FBLN7: variants seen among roughly 807,000 people sequenced by gnomAD.
FBLN7 encodes fibulin 7.
A neutral mutation model predicts 44.0 loss-of-function variants in FBLN7; 31 were observed. That is an observed-to-expected ratio of 0.70 (90% CI 0.53 to 0.95). The LOEUF (loss-of-function observed/expected upper bound fraction) is 0.95, where lower values mean the gene tolerates loss of function less well. Among genes scored for constraint, FBLN7 ranks in the 40% least tolerant of loss-of-function variants. FBLN7 has a pLI of 0.00. For missense variants in FBLN7, 573 were observed against 618.5 expected, an observed-to-expected ratio of 0.93 and a Z score of 0.78; for synonymous variants, 262 against 253.4, an observed-to-expected ratio of 1.03 and a Z score of -0.32.
the FBLN7 span, among the ~76,000 whole-genome samples, chr2:112,244,204 A>C: frequency 6.6e-6 from 1 of 152,164 alleles, no homozygotes; most frequent in African/African-American, 2.4e-5. Context: ...AGATATTAGA[A>C]TGAAATTGGT....
the FBLN7 span, among the ~76,000 whole-genome samples, chr2:112,218,417 T>G: frequency 6.6e-6 from 1 of 152,200 alleles, no homozygotes; most frequent in Non-Finnish European, 1.5e-5. Flanking sequence ...AGGTATAGCA[T>G]ATTTTATCAT....
chr2:112,229,915 T>A, the FBLN7 span, among the ~76,000 whole-genome samples: 1 of 141,962 alleles, frequency 7.0e-6, no homozygotes. Flanking sequence ...ATTCCCAAAA[T>A]AAGTAATTCT....
At position 112,187,682 on chromosome 2, in the gene FBLN7, A is replaced by C; in HGVS notation, c.*176A>C. On this transcript the variant is annotated 3_prime_UTR_variant, in exon 8 of 8. Coordinates refer to ENST00000331203, the MANE Select transcript of FBLN7 (RefSeq NM_153214.3). The surrounding 1 kb of genome is among the most constrained non-coding windows in gnomAD (Gnocchi z 5.1). ...CATGGAATAGCACGGAAGAGCAGCC[A>C]CAAAACTCAACTGCTGCCATCACTC... 3 of 732,804 alleles carry C rather than the reference A, an allele frequency of 4.1e-6. No individual in the cohort carries two copies. The highest frequency in any genetic ancestry group is 4.4e-6 in the Non-Finnish European group (2 of 457,844). The allele number at this position is 732,804 out of a possible 1,614,324, so 45.4% of individuals were successfully genotyped here. A position where few individuals can be genotyped will look rare whatever the true frequency, so the allele number is the denominator to read the frequency against.
At position 112,138,597 on chromosome 2, in the gene FBLN7, AC is replaced by A; in HGVS notation, c.-58del. The A allele has an allele frequency of 6.2e-7, 1 of 1,612,060 alleles. No individual in the cohort carries two copies. Among genetic ancestry groups the A allele is most frequent in the South Asian group, 1.1e-5 (1 of 91,024 alleles). ...GACGGCTGCCGCATCGCTGGGACAA[AC>A]TCGGCAGCGGAGGCAAAGTTATTTC... On this transcript the variant is annotated 5_prime_UTR_variant, in exon 1 of 8. Coordinates refer to ENST00000331203, the MANE Select transcript of FBLN7 (RefSeq NM_153214.3).
chr2:112,242,361 T>C, the FBLN7 span, among the ~76,000 whole-genome samples: 3 of 152,228 alleles, frequency 2.0e-5, no homozygotes, highest in African/African-American at 4.8e-5. Context: ...TATTGGAACA[T>C]AGGCATACTC....
chr2:112,160,034 A>C (rs1191546916), intron 2 of FBLN7, among the ~76,000 whole-genome samples, 199 bp downstream of exon 2: 2 of 151,676 alleles, frequency 1.3e-5, no homozygotes, highest in East Asian at 3.9e-4. Flanking sequence ...TCTGTCGCCC[A>C]GGCTGGAGTG....
intron 3 of FBLN7, among the ~76,000 whole-genome samples, chr2:112,166,438 A>G (rs984728006): frequency 7.2e-5 from 11 of 152,298 alleles, no homozygotes; most frequent in Middle Eastern, 3.4e-3. Context: ...ATGGATTGCC[A>G]TGAGAAGCTC....
At chr2:112,211,787 G>A in the FBLN7 span, 6 of 151,872 alleles carry the variant, frequency 4.0e-5, no homozygotes, top group South Asian at 2.1e-4. Context: ...AGACAAGTTC[G>A]AATTTAGTTT....
chr2:112,201,854 A>G, the FBLN7 span, among the ~76,000 whole-genome samples: 1 of 152,224 alleles, frequency 6.6e-6, no homozygotes, highest in Non-Finnish European at 1.5e-5. Flanking sequence ...GTTCAGCTAC[A>G]TGAGGAAGTT....
intron 2 of FBLN7, among the ~76,000 whole-genome samples, chr2:112,160,852 A>ACGCACG (rs1212864018): frequency 0.02 from 2,947 of 145,156 alleles, 37 homozygotes; most frequent in Middle Eastern, 0.039. Flanking sequence ...ACACGCGCAC[A>ACGCACG]CACACACACA....
the FBLN7 span, chr2:112,233,224 A>C: frequency 1.8e-4 from 245 of 1,388,118 alleles, 1 homozygote; most frequent in South Asian, 3.1e-3. Context: ...TCATGTAAAT[A>C]TTTATAAAGT....
intron 2 of FBLN7, among the ~76,000 whole-genome samples, chr2:112,162,569 G>A (rs1681933233): frequency 6.6e-6 from 1 of 152,116 alleles, no homozygotes; most frequent in South Asian, 2.1e-4. Flanking sequence ...GAAGGCGCAG[G>A]GAGCTTCGCT....
At chr2:112,191,637 A>G (rs1683494947), downstream of FBLN7, among the ~76,000 whole-genome samples, 1 of 152,202 alleles carries the variant, frequency 6.6e-6, no homozygotes, top group Non-Finnish European at 1.5e-5. Context: ...AAAAACAGCT[A>G]AAATCATTTT....
chr2:112,147,009 C>T (rs1680930815), intron 1 of FBLN7, among the ~76,000 whole-genome samples: 1 of 152,162 alleles, frequency 6.6e-6, no homozygotes, highest in South Asian at 2.1e-4. Context: ...TATGAATGGA[C>T]ATTGAATTTT....
At chr2:112,163,476 C>T (rs1681981525) in intron 2 of FBLN7, among the ~76,000 whole-genome samples, 1 of 152,244 alleles carries the variant, frequency 6.6e-6, no homozygotes, top group Admixed American at 6.5e-5. Context: ...GAATCCAAAT[C>T]CAAGCCATCC....
chr2:112,183,214 A>G (rs1174182909), intron 6 of FBLN7, among the ~76,000 whole-genome samples: 1 of 152,218 alleles, frequency 6.6e-6, no homozygotes, highest in Non-Finnish European at 1.5e-5. Context: ...CTACCCACTC[A>G]ACAATTCCTT....
intron 2 of FBLN7, among the ~76,000 whole-genome samples, chr2:112,160,848 G>GCACACACACACA (rs71826516): frequency 6.8e-6 from 1 of 148,042 alleles, no homozygotes; most frequent in East Asian, 2.0e-4. Context: ...ACGCACACGC[G>GCACACACACACA]CACACACACA....
the FBLN7 span, among the ~76,000 whole-genome samples, chr2:112,244,114 T>C: frequency 2.0e-5 from 3 of 151,842 alleles, no homozygotes; most frequent in Non-Finnish European, 4.4e-5. Flanking sequence ...TGAAAAAAGA[T>C]TCACAATCGC....
chr2:112,158,871 G>A (rs1288484946), intron 1 of FBLN7, among the ~76,000 whole-genome samples: 2 of 152,100 alleles, frequency 1.3e-5, no homozygotes, highest in Non-Finnish European at 2.9e-5. Context: ...CACCGTACCC[G>A]GCCAGGAAAC....
Sources: gnomAD v4.1 joint callset for allele counts (sites outside exome capture counted in the v4.1 genomes callset) on GRCh38, gnomAD v4.1.1 for gene constraint, Gnocchi (gnomAD v3.1) non-coding constraint, MANE v1.5 for transcripts, NCBI Gene and HGNC (gene_info 2026-07-23, HGNC 2026-07-21) for gene names.